FIGN: variants seen among roughly 807,000 people sequenced by gnomAD.
The protein encoded by FIGN is fidgetin, microtubule severing factor, also known as fidgetin.
FIGN carries 11 observed loss-of-function variants against 51.3 expected under a neutral mutation model. The observed-to-expected ratio is 0.21, with a 90% CI of 0.13 to 0.35. FIGN has a LOEUF of 0.35. Ranked by LOEUF, FIGN falls within the 10% of genes least tolerant of loss-of-function variation. The probability of loss-of-function intolerance (pLI) is 1.00; values close to 1 mark genes in which losing one functional copy is unlikely to be tolerated. For synonymous variants in FIGN, 407 were observed against 363.2 expected (o/e 1.12, Z -1.37); for missense variants, 857 against 943.6 (o/e 0.91, Z 1.20).
At position 163,602,753 on chromosome 2, in the gene FIGN, C is replaced by G. The variant is rs1690997798; in HGVS notation, c.*6799G>C. On this transcript the variant is annotated 3_prime_UTR_variant, in exon 3 of 3. Coordinates refer to ENST00000333129, the MANE Select transcript of FIGN (RefSeq NM_018086.4). ...TCTGCCTTGAACCACATTTTTAATTCTTCAATGGTTACTACTGAAACTAGT... is the reference window on the plus strand; with the variant it reads ...TCTGCCTTGAACCACATTTTTAATTGTTCAATGGTTACTACTGAAACTAGT... The G allele has an allele frequency of 6.6e-6, 1 of 151,898 alleles. No individual in the cohort carries two copies. Among genetic ancestry groups the G allele is most frequent in the African/African-American group, 2.4e-5 (1 of 41,384 alleles). 9.4% of individuals were successfully genotyped at this position (151,898 alleles called of 1,614,324 possible). A position where few individuals can be genotyped will look rare whatever the true frequency, so the allele number is the denominator to read the frequency against.
chr2:163,632,452 G>A (rs1293029794), intron 2 of FIGN, among the ~76,000 whole-genome samples: 2 of 152,112 alleles, frequency 1.3e-5, no homozygotes, highest in East Asian at 1.9e-4. Flanking sequence ...GCTATCCCCC[G>A]ACTTTCAACC....
chr2:163,712,828 T>C (rs930999854), intron 2 of FIGN, among the ~76,000 whole-genome samples: 2 of 152,200 alleles, frequency 1.3e-5, no homozygotes, highest in Non-Finnish European at 2.9e-5. Context: ...TGGACTATTA[T>C]GCAGCAGAAT....
intron 2 of FIGN, among the ~76,000 whole-genome samples, chr2:163,616,376 T>C (rs1013618314): frequency 6.6e-6 from 1 of 152,190 alleles, no homozygotes; most frequent in African/African-American, 2.4e-5. Context: ...TAGCATATAT[T>C]CATAGAAATA....
Position 163,610,214 on chromosome 2 carries a change from C to A in FIGN, c.1618G>T (p.Ala540Ser), listed in dbSNP as rs202196057. 127 of 1,614,020 alleles carry A rather than the reference C, an allele frequency of 7.9e-5. No homozygotes were observed. Among genetic ancestry groups the A allele is most frequent in the Non-Finnish European group, 9.0e-5 (106 of 1,180,034 alleles). The stretch of plus-strand genomic sequence containing the variant: ...AAAAATGTGGCCCCCAGCTGACTAG[C>A]GATGCATCTGCCCAATAATGTTTTG... ...TGKTLLGRCI[A>S]SQLGATFFKI... The change falls in exon 3 of 3, where the codon GCT (alanine) becomes TCT (serine). Residue 540 changes from alanine to serine, a missense_variant. Ala to Ser is a moderately conservative substitution (Grantham distance 99). Coordinates refer to ENST00000333129, the MANE Select transcript of FIGN (RefSeq NM_018086.4).
chr2:163,730,570 C>T (rs953109944), intron 2 of FIGN, among the ~76,000 whole-genome samples: 1 of 151,046 alleles, frequency 6.6e-6, no homozygotes, highest in Non-Finnish European at 1.5e-5. Flanking sequence ...GACTTGTAAG[C>T]TTCTAAGTGG....
At chr2:163,706,859 C>G (rs1407203019) in intron 2 of FIGN, among the ~76,000 whole-genome samples, 2 of 151,968 alleles carry the variant, frequency 1.3e-5, no homozygotes, top group African/African-American at 2.4e-5. Context: ...GAGCAATAAT[C>G]TCATTTAAAA....
intron 2 of FIGN, among the ~76,000 whole-genome samples, chr2:163,620,252 T>A (rs1265819218): frequency 6.6e-6 from 1 of 152,196 alleles, no homozygotes; most frequent in Non-Finnish European, 1.5e-5. Flanking sequence ...ACCTTTAAAG[T>A]TGTTACTTTG....
chr2:163,714,741 T>C (rs910514345), intron 2 of FIGN, among the ~76,000 whole-genome samples: 8 of 152,202 alleles, frequency 5.3e-5, no homozygotes, highest in African/African-American at 1.9e-4. Flanking sequence ...GCTCAAAATT[T>C]ATCTCACCTA....
At chr2:163,613,150 G>A (rs1046971211) in intron 2 of FIGN, among the ~76,000 whole-genome samples, 7 of 152,046 alleles carry the variant, frequency 4.6e-5, no homozygotes, top group African/African-American at 1.7e-4. Flanking sequence ...CATACAGTTA[G>A]TTACAGAAGA....
intron 2 of FIGN, among the ~76,000 whole-genome samples, chr2:163,712,452 T>G (rs1684601416): frequency 6.6e-6 from 1 of 152,234 alleles, no homozygotes; most frequent in African/African-American, 2.4e-5. Flanking sequence ...AAATGCACTT[T>G]ATATCAATTA....
chr2:163,732,847 T>C (rs1050985751), intron 2 of FIGN, among the ~76,000 whole-genome samples: 3 of 152,222 alleles, frequency 2.0e-5, no homozygotes, highest in Admixed American at 2.0e-4. Context: ...ATGTTTCTCT[T>C]GATAAACGAC....
At chr2:163,679,474 C>T (rs144547187) in intron 2 of FIGN, among the ~76,000 whole-genome samples, 6,820 of 149,382 alleles carry the variant, frequency 0.046, 185 homozygotes, top group African/African-American at 0.064. Flanking sequence ...GCAGCCTGGG[C>T]GACACTGCGA....
chr2:163,643,787 C>T (rs570167658), intron 2 of FIGN, among the ~76,000 whole-genome samples: 19 of 151,414 alleles, frequency 1.3e-4, no homozygotes, highest in African/African-American at 4.6e-4. Flanking sequence ...AACTCAGAAG[C>T]TGGGTGTGGT....
intron 2 of FIGN, among the ~76,000 whole-genome samples, chr2:163,616,196 C>A (rs1225285390): frequency 6.6e-6 from 1 of 152,060 alleles, no homozygotes. Flanking sequence ...TTACTTTTTC[C>A]ATTTTGCTCT....
chr2:163,643,951 A>AAAAAAAAAAAAAAAAAAAAC (rs1683344529), intron 2 of FIGN, among the ~76,000 whole-genome samples: 1 of 148,356 alleles, frequency 6.7e-6, no homozygotes, highest in Non-Finnish European at 1.5e-5. Context: ...AAAAAAAAAA[A>AAAAAAAAAAAAAAAAAAAAC]AAAAAAAGTC....
intron 2 of FIGN, among the ~76,000 whole-genome samples, chr2:163,696,798 G>C (rs894339745): frequency 6.6e-6 from 1 of 150,394 alleles, no homozygotes; most frequent in Non-Finnish European, 1.5e-5. Context: ...CTCCCAAGTA[G>C]CTAGGACTAC....
chr2:163,671,130 T>C (rs1025803831), intron 2 of FIGN, among the ~76,000 whole-genome samples: 3 of 152,210 alleles, frequency 2.0e-5, no homozygotes, highest in South Asian at 2.1e-4. Context: ...CGCCCAGAGA[T>C]GCAATGTGCC....
In FIGN at chr2:163,607,598, A is replaced by AG. The variant is rs988694370; in HGVS notation, c.*1953_*1954insC. On this transcript the variant is annotated 3_prime_UTR_variant, in exon 3 of 3. Coordinates refer to ENST00000333129, the MANE Select transcript of FIGN (RefSeq NM_018086.4). ...TAAAAATTTTTGTAAGAAAAAAAAAACAGAAAGGCCTTTCTTGGGGCTTCT... is the reference window on the plus strand; with the variant it reads ...TAAAAATTTTTGTAAGAAAAAAAAAAGCAGAAAGGCCTTTCTTGGGGCTTCT... The AG allele has an allele frequency of 4.6e-5, 7 of 152,522 alleles. No individual in the cohort carries two copies. Among genetic ancestry groups the AG allele is most frequent in the Non-Finnish European group, 1.0e-4 (7 of 68,016 alleles). The allele number at this position is 152,522 out of a possible 1,614,324, so 9.4% of individuals were successfully genotyped here.
At chr2:163,618,848 A>G in intron 2 of FIGN, among the ~76,000 whole-genome samples, 1 of 152,188 alleles carries the variant, frequency 6.6e-6, no homozygotes, top group Non-Finnish European at 1.5e-5. Context: ...CTTCAACTCC[A>G]GTTTCTTAAC....
Sources: allele counts gnomAD v4.1 joint callset (sites outside exome capture counted in the v4.1 genomes callset), GRCh38; gene constraint gnomAD v4.1.1; transcripts MANE v1.5; gene names NCBI Gene and HGNC (gene_info 2026-07-23, HGNC 2026-07-21).